The following SEC14L6 variants were observed in gnomAD, a reference collection of about 807,000 sequenced individuals.
SEC14L6 encodes the protein SEC14 like lipid binding 6, also known as SEC14-like protein 6.
A neutral mutation model predicts 54.1 loss-of-function variants in SEC14L6; 40 were observed. That is an observed-to-expected ratio of 0.74 (90% CI 0.57 to 0.96). The LOEUF (loss-of-function observed/expected upper bound fraction) is 0.96. Ranked by LOEUF, SEC14L6 falls within the 40% of genes least tolerant of loss-of-function variation. SEC14L6 has a pLI of 0.00. For synonymous variants in SEC14L6, 171 were observed against 198.4 expected, an observed-to-expected ratio of 0.86 and a Z score of 1.16; for missense variants, 471 against 498.3, an observed-to-expected ratio of 0.95 and a Z score of 0.52.
chr22:30,534,822 C>G (rs1407703221), intron 2 of SEC14L6, among the ~76,000 whole-genome samples: 1 of 151,988 alleles, frequency 6.6e-6, no homozygotes, highest in Non-Finnish European at 1.5e-5. Context: ...GTCAGGAGTT[C>G]GAGACCAGCC....
rs773725890 is a variant in SEC14L6, at chr22:30,525,737, C to A, written c.785G>T (p.Gly262Val). 1.9e-6 allele frequency: 3 copies of A among 1,613,966 alleles called. No homozygotes were observed. Among genetic ancestry groups the A allele is most frequent in the South Asian group, 2.2e-5 (2 of 91,064 alleles). Residue 262 changes from glycine (G) to valine (V), a missense_variant, in exon 10 of 12, where the codon GGT becomes GTT. Coordinates refer to ENST00000402034, the MANE Select transcript of SEC14L6 (RefSeq NM_001193336.4). ...PKCLTKINYGGEVPKSYYLCK... is the reference protein window; with the variant it reads ...PKCLTKINYGVEVPKSYYLCK... ...CAGGTAGTAGCTCTTGGGCACCTCA[C>A]CCCCGTAGTTGATCTGTGGGTGAAG...
At chr22:30,533,765 G>A (rs991738937) in intron 3 of SEC14L6, among the ~76,000 whole-genome samples, 1 of 152,012 alleles carries the variant, frequency 6.6e-6, no homozygotes, top group African/African-American at 2.4e-5. Context: ...TGTCTTCATT[G>A]TACTTTCCAT....
At chr22:30,542,970 G>A in intron 1 of SEC14L6, 1 of 1,600,570 alleles carries the variant, frequency 6.2e-7, no homozygotes, top group Non-Finnish European at 8.6e-7. Context: ...ACGTGGAGTT[G>A]AAGTCTGGAG....
At chr22:30,525,997 T>G (rs968498425) in intron 8 of SEC14L6, 65 bp from the exon 9 acceptor site, 1 of 1,539,298 alleles carries the variant, frequency 6.5e-7, no homozygotes, top group Non-Finnish European at 8.8e-7. Flanking sequence ...CAGAGGGGGC[T>G]GAGCCCAGGT....
At chr22:30,536,730 A>G (rs115361531) in intron 2 of SEC14L6, among the ~76,000 whole-genome samples, 3,584 of 152,204 alleles carry the variant, frequency 0.024, 109 homozygotes, top group African/African-American at 0.08. Flanking sequence ...AAGAAAGAAA[A>G]TAATAGATAA....
In SEC14L6 at chr22:30,531,947, C is replaced by T. The variant is rs1936989473; in HGVS notation, c.475G>A (p.Gly159Ser). Reference protein sequence around the residue: ...IIAIFGLEGLGLRDLWKPGIE... With the variant: ...IIAIFGLEGLSLRDLWKPGIE... Reference sequence around the variant, plus strand: ...CCTGGCTTCCACAGATCCCTCAGGCCCAGCCCTTCGAGACCAAAAATAGCT... The same window carrying T: ...CCTGGCTTCCACAGATCCCTCAGGCTCAGCCCTTCGAGACCAAAAATAGCT... The change falls in exon 6 of 12, where the codon GGC becomes AGC. Residue 159 changes from glycine to serine, a missense_variant. Coordinates refer to ENST00000402034, the MANE Select transcript of SEC14L6 (RefSeq NM_001193336.4). The T allele has an allele frequency of 1.7e-5, 26 of 1,550,872 alleles. No individual in the cohort carries two copies. The highest frequency in any genetic ancestry group is 2.3e-5 in the Non-Finnish European group (26 of 1,147,050).
rs1484373570 is a variant in SEC14L6 at position 30,525,294 on chromosome 22, T to C, written c.1081+56A>G. 26 of 1,573,924 alleles carry C rather than the reference T, an allele frequency of 1.7e-5. No individual in the cohort carries two copies. In the East Asian group the frequency reaches 5.3e-4, roughly 32 times the overall value. The stretch of plus-strand genomic sequence containing the variant: ...CCTGGTAGGACCTGGATGCACATTG[T>C]AGCACCCTCCCCCTAGCCCCCAGCT... On this transcript the variant is annotated intron_variant, in intron 11 of 11. Coordinates refer to ENST00000402034, the MANE Select transcript of SEC14L6 (RefSeq NM_001193336.4).
chr22:30,541,079 G>C (rs964142697), intron 1 of SEC14L6, among the ~76,000 whole-genome samples: 2 of 151,720 alleles, frequency 1.3e-5, no homozygotes, highest in Non-Finnish European at 2.9e-5. Context: ...AGCTTTATGG[G>C]GATATAATCA....
intron 6 of SEC14L6, among the ~76,000 whole-genome samples, chr22:30,530,453 T>C (rs892164687): frequency 3.9e-5 from 6 of 151,954 alleles, no homozygotes; most frequent in Non-Finnish European, 7.4e-5. Flanking sequence ...CAGGCTGGAG[T>C]GCAGTGGCGC....
intron 1 of SEC14L6, chr22:30,543,894 C>A (rs984725492): frequency 6.3e-7 from 1 of 1,582,264 alleles, no homozygotes; most frequent in Non-Finnish European, 8.7e-7. Flanking sequence ...AGCCTGCTCC[C>A]CGGGCCGCGG....
chr22:30,543,692 T>C (rs1421182111), intron 1 of SEC14L6: 5 of 1,610,300 alleles, frequency 3.1e-6, no homozygotes, highest in Non-Finnish European at 4.2e-6. Context: ...ATCTATATTG[T>C]GGTGGGCGTG....
intron 2 of SEC14L6, among the ~76,000 whole-genome samples, chr22:30,538,344 AAAAAAAAG>A (rs925140273): frequency 1.3e-5 from 2 of 151,938 alleles, no homozygotes; most frequent in African/African-American, 4.8e-5. Flanking sequence ...ACAAAAAAAA[AAAAAAAAG>A]AAAGAAAGAA....
intron 2 of SEC14L6, 88 bp from the exon 3 acceptor site, chr22:30,534,127 G>A: frequency 7.8e-7 from 1 of 1,287,430 alleles, no homozygotes. Context: ...CCACCCTCCA[G>A]GCCAGCTTTG....
rs1443285498 is a variant in SEC14L6, at chr22:30,534,038, A to G, written c.132T>C (p.Ala44=). 6.4e-7 allele frequency: 1 copy of G among 1,550,738 alleles called. No homozygotes were observed. The highest frequency in any genetic ancestry group is 8.7e-7 in the Non-Finnish European group (1 of 1,146,994). Residue 44 remains alanine, a splice_region_variant and synonymous_variant, in exon 3 of 12, where the codon GCT becomes GCC. Transcript: ENST00000402034. ...CTGATTTCTGCAGGTCAAAGCTCCG[A>G]GCTGCAACAAGAGACAGGGTTATGG... ...DDYFLLRWLQ[A]RSFDLQKSED... is the part of the protein sequence containing the mutation.
chr22:30,531,225 T>C (rs1253924117), intron 6 of SEC14L6, among the ~76,000 whole-genome samples: 1 of 151,544 alleles, frequency 6.6e-6, no homozygotes, highest in African/African-American at 2.4e-5. Flanking sequence ...CTGGCCAACA[T>C]GGTGAAACCC....
At position 30,525,335 on chromosome 22, in the gene SEC14L6, C is replaced by T. The variant is rs927818228; in HGVS notation, c.1081+15G>A. On this transcript the variant is annotated intron_variant, in intron 11 of 11. Transcript: ENST00000402034. ...GCCCCCAGCTCCAGGTAGAGCCATC[C>T]CTGCCAACTCTTACAGCTGCCGGCC... The T allele has an allele frequency of 3.7e-6, 6 of 1,613,038 alleles. No individual in the cohort carries two copies. The highest frequency in any genetic ancestry group is 5.1e-6 in the Non-Finnish European group (6 of 1,179,600).
intron 2 of SEC14L6, among the ~76,000 whole-genome samples, chr22:30,536,046 G>A (rs1018475490): frequency 4.6e-5 from 7 of 151,860 alleles, no homozygotes; most frequent in African/African-American, 1.7e-4. Context: ...TTTTTTTGTA[G>A]AGATGAGGTC....
intron 1 of SEC14L6, chr22:30,542,522 G>A (rs2085738767): frequency 4.3e-6 from 4 of 937,338 alleles, no homozygotes; most frequent in Non-Finnish European, 5.9e-6. Context: ...GGGCAGCCCC[G>A]GCGGCGCTTC....
At position 30,522,887 on chromosome 22, in the gene SEC14L6, C is replaced by G. The variant is rs1332816616; in HGVS notation, c.*2110G>C. 2 of 152,292 alleles carry G rather than the reference C, an allele frequency of 1.3e-5. No individual in the cohort carries two copies. The highest frequency in any genetic ancestry group is 3.9e-4 in the East Asian group (2 of 5,188). The allele number at this position is 152,292 out of a possible 1,614,324, so 9.4% of individuals were successfully genotyped here. A position where few individuals can be genotyped will look rare whatever the true frequency, so the allele number is the denominator to read the frequency against. On this transcript the variant is annotated 3_prime_UTR_variant, in exon 12 of 12. Coordinates refer to ENST00000402034, the MANE Select transcript of SEC14L6 (RefSeq NM_001193336.4). ...GGGGAAGGGATAAACACAGTGTGGT[C>G]CATCCATACAGTGGTATATTACTCA...
Sources: gnomAD v4.1 joint callset for allele counts (sites outside exome capture counted in the v4.1 genomes callset) on GRCh38, gnomAD v4.1.1 for gene constraint, MANE v1.5 for transcripts, NCBI Gene and HGNC (gene_info 2026-07-23, HGNC 2026-07-21) for gene names.